Variants in MTOR observed in about 807,000 individuals in gnomAD.
MTOR encodes the protein serine/threonine-protein kinase mTOR.
MTOR carries 70 observed loss-of-function variants against 319.8 expected under a neutral mutation model. That is an observed-to-expected ratio of 0.22 (90% CI 0.18 to 0.27). MTOR has a LOEUF of 0.27. MTOR is among the 10% of genes least tolerant of loss of function. The pLI is 1.00. For missense variants in MTOR, 1,890 were observed against 3,274.4 expected (o/e 0.58, Z 10.32); for synonymous variants, 1,183 against 1,211.4 (o/e 0.98, Z 0.49).
chr1:11,184,267 G>T (rs1044568279), intron 28 of MTOR, among the ~76,000 whole-genome samples: 6 of 152,188 alleles, frequency 3.9e-5, no homozygotes, highest in African/African-American at 1.4e-4. Context: ...CAGCAACCAA[G>T]TGCTAGGGAG....
intron 25 of MTOR, among the ~76,000 whole-genome samples, 190 bp from the exon 26 acceptor site, chr1:11,204,893 G>C (rs1016103648): frequency 6.6e-6 from 1 of 152,200 alleles, no homozygotes; most frequent in African/African-American, 2.4e-5. Flanking sequence ...ATACCACACT[G>C]TGGAAAAAGC....
In MTOR at chr1:11,133,043, G is replaced by A; in HGVS notation, c.5364+37C>T. The A allele has an allele frequency of 1.3e-6, 2 of 1,566,650 alleles. No individual in the cohort carries two copies. The highest frequency in any genetic ancestry group is 1.8e-6 in the Non-Finnish European group (2 of 1,137,866). On this transcript the variant is annotated intron_variant, in intron 38 of 57. Coordinates refer to ENST00000361445, the MANE Select transcript of MTOR (RefSeq NM_004958.4). The surrounding 1 kb of genome is among the most constrained non-coding windows in gnomAD (Gnocchi z 4.0). ...CACACAGGAGGACACGAGCCAGCCA[G>A]GGTGCTGGGTCTCACAGGTGGCCTG...
chr1:11,159,487 C>A lies in MTOR; in HGVS notation c.4330-2196G>T, dbSNP rs1039284264. On this transcript the variant is annotated intron_variant, in intron 29 of 57. Transcript: ENST00000361445. ...AGAAACCCTGTCTCTAATAAAAACA[C>A]AAAATTAGCTGAGCGTGGTGGTGCA... Among the ~76,000 whole-genome samples the A allele has an allele frequency of 5.9e-5, 9 of 152,022 alleles. No individual in the cohort carries two copies. The South Asian group carries it at 1.7e-3, about 28-fold the overall frequency.
In MTOR at chr1:11,129,635, G is replaced by T; in HGVS notation, c.5714+103C>A. ...AAAGGCACATACATCGATCTTGGGT[G>T]TCCTGATCAGGGTCAGGAAGGGAAA... On this transcript the variant is annotated intron_variant, in intron 40 of 57. Coordinates refer to ENST00000361445, the MANE Select transcript of MTOR (RefSeq NM_004958.4). This position sits in a 1 kb window ranked among gnomAD's most constrained non-coding sequence, Gnocchi z 4.7. The T allele has an allele frequency of 1.0e-6, 1 of 982,146 alleles. No homozygotes were observed. Among genetic ancestry groups the T allele is most frequent in the Non-Finnish European group, 1.6e-6 (1 of 636,336 alleles). 60.8% of individuals were successfully genotyped at this position (982,146 alleles called of 1,614,324 possible). A position where few individuals can be genotyped will look rare whatever the true frequency, so the allele number is the denominator to read the frequency against.
chr1:11,221,794 C>CAT (rs1015915981), intron 19 of MTOR, among the ~76,000 whole-genome samples: 6 of 149,260 alleles, frequency 4.0e-5, no homozygotes, highest in Admixed American at 6.7e-5. Flanking sequence ...AGTGAGATTA[C>CAT]ATATATATAT....
In MTOR at chr1:11,167,781, G is replaced by C. The variant is rs57071506; in HGVS notation, c.4254-264C>G. Among the ~76,000 whole-genome samples, 8,996 of 152,274 alleles carry C rather than the reference G, an allele frequency of 0.059. 376 individuals are homozygous for C. Among genetic ancestry groups the C allele is most frequent in the South Asian group, 0.12 (600 of 4,828 alleles). On this transcript the variant is annotated intron_variant, in intron 28 of 57. Coordinates refer to ENST00000361445, the MANE Select transcript of MTOR (RefSeq NM_004958.4). ...CTCTGTGGCCCTTCCTTTAAGAGCA[G>C]AGACTAGGCTGGGTGTGGTGGCTCA...
chr1:11,207,529 C>G (rs1646175119), intron 25 of MTOR, among the ~76,000 whole-genome samples: 1 of 150,208 alleles, frequency 6.7e-6, no homozygotes, highest in Non-Finnish European at 1.5e-5. Context: ...CTGCCTCAGT[C>G]TCCTGAGTAG....
chr1:11,113,888 G>A (rs561140438), intron 53 of MTOR, among the ~76,000 whole-genome samples: 1 of 152,324 alleles, frequency 6.6e-6, no homozygotes, highest in South Asian at 2.1e-4. Context: ...AGATCATGGG[G>A]ATGGTTCCTC....
chr1:11,169,687 C>T (rs1644751235), intron 28 of MTOR, among the ~76,000 whole-genome samples: 1 of 152,140 alleles, frequency 6.6e-6, no homozygotes. Flanking sequence ...TAAGTCGTTT[C>T]AAAAATTTTA....
intron 16 of MTOR, among the ~76,000 whole-genome samples, chr1:11,232,030 T>C (rs1647034939): frequency 6.6e-6 from 1 of 152,170 alleles, no homozygotes; most frequent in Admixed American, 6.5e-5. Flanking sequence ...AAATTAAGAC[T>C]GTTCTTAATT....
rs1643018607 is a variant in MTOR, at chr1:11,129,678, A to C, written c.5714+60T>G. ...AAGGGAAAGAGGACTTTTACGTGTG[A>C]CTTCTAGGTCTTGCCATTAACATGG... On this transcript the variant is annotated intron_variant, in intron 40 of 57. Transcript: ENST00000361445. This position sits in a 1 kb window ranked among gnomAD's most constrained non-coding sequence, Gnocchi z 4.7. The C allele has an allele frequency of 6.8e-7, 1 of 1,470,358 alleles. No homozygotes were observed. The highest frequency in any genetic ancestry group is 9.5e-7 in the Non-Finnish European group (1 of 1,056,210). 91.1% of individuals were successfully genotyped at this position (1,470,358 alleles called of 1,614,324 possible).
chr1:11,158,095 G>C (rs1372863259), intron 29 of MTOR, among the ~76,000 whole-genome samples: 1 of 152,142 alleles, frequency 6.6e-6, no homozygotes, highest in East Asian at 1.9e-4. Flanking sequence ...CTCTCCAAAT[G>C]ATCAGGAGAC....
intron 49 of MTOR, among the ~76,000 whole-genome samples, chr1:11,117,440 C>T (rs1642229218): frequency 6.6e-6 from 1 of 152,190 alleles, no homozygotes; most frequent in Non-Finnish European, 1.5e-5. Flanking sequence ...GGATCACAGG[C>T]CTGAGCCACT....
chr1:11,121,893 G>C lies in MTOR; in HGVS notation c.6810+86C>G, dbSNP rs2100360043. The stretch of plus-strand genomic sequence containing the variant: ...CTCTCAAAGAGATTTTTCAGTGACA[G>C]ACATACAGAGAGGAATGAGAAAAGC... On this transcript the variant is annotated intron_variant, in intron 48 of 57. Transcript: ENST00000361445. The surrounding 1 kb of genome is among the most constrained non-coding windows in gnomAD (Gnocchi z 4.9). 1 of 1,524,994 alleles carries C rather than the reference G, an allele frequency of 6.6e-7. No homozygotes were observed. Among genetic ancestry groups the C allele is most frequent in the South Asian group, 1.2e-5 (1 of 81,144 alleles). The allele number at this position is 1,524,994 out of a possible 1,614,324, so 94.5% of individuals were successfully genotyped here. A position where few individuals can be genotyped will look rare whatever the true frequency, so the allele number is the denominator to read the frequency against.
chr1:11,122,189 G>T, intron 47 of MTOR, 63 bp from the exon 48 acceptor site: 1 of 1,563,806 alleles, frequency 6.4e-7, no homozygotes. Context: ...GAGCAGCTCA[G>T]AACACAGGCA....
chr1:11,229,887 G>T (rs531589010), intron 18 of MTOR, among the ~76,000 whole-genome samples: 9 of 152,050 alleles, frequency 5.9e-5, no homozygotes, highest in Non-Finnish European at 1.3e-4. Flanking sequence ...TGAAGCAGGA[G>T]GATCACTTGA....
In MTOR at chr1:11,112,918, C is replaced by G. The variant is rs1247005024; in HGVS notation, c.7301-1G>C. 1 of 1,613,870 alleles carries G rather than the reference C, an allele frequency of 6.2e-7. No homozygotes were observed. Among genetic ancestry groups the G allele is most frequent in the East Asian group, 2.2e-5 (1 of 44,884 alleles). Reference sequence around the variant, plus strand: ...GATCGCTTGTTGCCTTTGGTATTTGCTAGGGAGAGAAATAAAGAGTATTGA... The same window carrying G: ...GATCGCTTGTTGCCTTTGGTATTTGGTAGGGAGAGAAATAAAGAGTATTGA... On this transcript the variant is annotated splice_acceptor_variant, in intron 53 of 57. Coordinates refer to ENST00000361445, the MANE Select transcript of MTOR (RefSeq NM_004958.4). LOFTEE classifies it high-confidence loss of function.
At chr1:11,236,547 C>T (rs1245728479) in intron 13 of MTOR, among the ~76,000 whole-genome samples, 8 of 139,368 alleles carry the variant, frequency 5.7e-5, no homozygotes, top group Non-Finnish European at 7.7e-5. Context: ...CTCGCTCTGT[C>T]GCCAGGCTGG....
chr1:11,187,794 G>A (rs1053416959), intron 28 of MTOR, among the ~76,000 whole-genome samples: 23 of 152,128 alleles, frequency 1.5e-4, no homozygotes, highest in Non-Finnish European at 3.1e-4. Flanking sequence ...TGCCCAGCTG[G>A]GCTAGACATT....
Sources: gnomAD v4.1 joint callset for allele counts (sites outside exome capture counted in the v4.1 genomes callset) on GRCh38, gnomAD v4.1.1 for gene constraint, Gnocchi (gnomAD v3.1) non-coding constraint, MANE v1.5 for transcripts, NCBI Gene and HGNC (gene_info 2026-07-23, HGNC 2026-07-21) for gene names.